The following STK32A variants were observed in gnomAD, a reference collection of about 807,000 sequenced individuals.
STK32A encodes the protein serine/threonine-protein kinase 32A.
Under a neutral mutation model 53.2 loss-of-function variants are expected in STK32A, and 41 were observed. That is an observed-to-expected ratio of 0.77 (90% CI 0.60 to 1.00). The LOEUF (loss-of-function observed/expected upper bound fraction) is 1.00, where lower values mean the gene tolerates loss of function less well. STK32A is among the 50% of genes least tolerant of loss of function. STK32A has a pLI of 0.00. For missense variants in STK32A, 458 were observed against 485.8 expected, an observed-to-expected ratio of 0.94 and a Z score of 0.54; for synonymous variants, 166 against 162.8, an observed-to-expected ratio of 1.02 and a Z score of -0.15.
At chr5:147,346,833 T>C (rs909922229) in intron 6 of STK32A, among the ~76,000 whole-genome samples, 1 of 152,202 alleles carries the variant, frequency 6.6e-6, no homozygotes, top group African/African-American at 2.4e-5. Context: ...AATTATGTCA[T>C]CATCTGTCAC....
At chr5:147,261,033 T>C (rs66508382) in intron 2 of STK32A, among the ~76,000 whole-genome samples, 35,441 of 152,062 alleles carry the variant, frequency 0.23, 4,630 homozygotes, top group Admixed American at 0.33. Flanking sequence ...CTGGCCACTT[T>C]CTTTTTTTCC....
intron 2 of STK32A, chr5:147,240,049 A>G (rs1753501055): frequency 5.2e-6 from 1 of 190,976 alleles, no homozygotes; most frequent in Non-Finnish European, 1.1e-5. Context: ...ATGTACATGA[A>G]TGATAACCAG....
intron 2 of STK32A, among the ~76,000 whole-genome samples, chr5:147,248,681 G>A (rs1191220324): frequency 8.5e-5 from 13 of 152,230 alleles, no homozygotes; most frequent in Non-Finnish European, 1.5e-5. Context: ...TCGGGATCCA[G>A]CAACAGGAAA....
chr5:147,313,182 C>T (rs1227401151), intron 4 of STK32A, among the ~76,000 whole-genome samples: 5 of 151,886 alleles, frequency 3.3e-5, no homozygotes, highest in African/African-American at 1.2e-4. Flanking sequence ...CTGCGGGGAA[C>T]TATGAATATG....
chr5:147,306,948 A>G (rs1446508570), intron 4 of STK32A, among the ~76,000 whole-genome samples: 3 of 152,174 alleles, frequency 2.0e-5, no homozygotes, highest in African/African-American at 4.8e-5. Flanking sequence ...ATCATTTTTA[A>G]TATTATGTAT....
At chr5:147,389,837 C>T (rs537912724), downstream of STK32A, among the ~76,000 whole-genome samples, 12 of 152,186 alleles carry the variant, frequency 7.9e-5, no homozygotes, top group South Asian at 2.3e-3. Flanking sequence ...TGCCACTGCA[C>T]TCCAGCCTGG....
At chr5:147,280,624 C>T (rs1234701933) in intron 4 of STK32A, among the ~76,000 whole-genome samples, 1 of 151,496 alleles carries the variant, frequency 6.6e-6, no homozygotes, top group East Asian at 1.9e-4. Flanking sequence ...CCCACAGCAG[C>T]AGCAGCAGCA....
At position 147,373,274 on chromosome 5, in the gene STK32A, A is replaced by G. The variant is rs114771040; in HGVS notation, c.883A>G (p.Ile295Val). 3.1e-6 allele frequency: 5 copies of G among 1,613,380 alleles called. No homozygotes were observed. The African/African-American group carries it at 6.7e-5, about 22-fold the overall frequency. Residue 295 changes from isoleucine (I) to valine (V), a missense_variant, in exon 10 of 13, where the codon ATT becomes GTT. Transcript: ENST00000397936. ...GGATGCAGTTTTTCAGAAGAGGCTCATTCCAGGTTTCATTCCTAATGTGAG... is the reference window on the plus strand; with the variant it reads ...GGATGCAGTTTTTCAGAAGAGGCTCGTTCCAGGTTTCATTCCTAATGTGAG... ...NWDAVFQKRL[I>V]PGFIPNKGRL...
At chr5:147,260,754 A>G (rs1343689508) in intron 2 of STK32A, among the ~76,000 whole-genome samples, 1 of 152,100 alleles carries the variant, frequency 6.6e-6, no homozygotes, top group Non-Finnish European at 1.5e-5. Context: ...TAGTGTTGGC[A>G]GGCCCATGGC....
intron 11 of STK32A, among the ~76,000 whole-genome samples, chr5:147,376,716 C>T (rs986935056): frequency 6.6e-6 from 1 of 152,142 alleles, no homozygotes; most frequent in African/African-American, 2.4e-5. Context: ...GGCCTTTGCC[C>T]TTGCTCTTCC....
Position 147,373,051 on chromosome 5 carries a change from G to A in STK32A, c.778-118G>A, listed in dbSNP as rs189656829. ...ACATTGTTTATGGGATTAGGGATAGGGGACACTGTCTATTTTCCTTCAGTC... is the reference window on the plus strand; with the variant it reads ...ACATTGTTTATGGGATTAGGGATAGAGGACACTGTCTATTTTCCTTCAGTC... On this transcript the variant is annotated intron_variant, in intron 9 of 12. Coordinates refer to ENST00000397936, the MANE Select transcript of STK32A (RefSeq NM_001112724.2). The A allele has an allele frequency of 3.2e-4, 392 of 1,222,450 alleles. 1 individual carries two copies. Among genetic ancestry groups the A allele is most frequent in the Non-Finnish European group, 4.2e-4 (367 of 865,338 alleles). The allele number at this position is 1,222,450 out of a possible 1,614,324, so 75.7% of individuals were successfully genotyped here.
chr5:147,306,465 T>C (rs17096644), intron 4 of STK32A, among the ~76,000 whole-genome samples: 51,323 of 151,544 alleles, frequency 0.34, 9,203 homozygotes, highest in Non-Finnish European at 0.36. Context: ...GAGAAAAAAG[T>C]GTTAACCTTT....
intron 4 of STK32A, among the ~76,000 whole-genome samples, chr5:147,283,484 G>C (rs1198263849): frequency 7.1e-6 from 1 of 141,732 alleles, no homozygotes; most frequent in Admixed American, 7.1e-5. Context: ...AAAAAAAAAA[G>C]AAAGATAAAT....
intron 2 of STK32A, among the ~76,000 whole-genome samples, chr5:147,247,996 C>CCG (rs1753827379): frequency 6.6e-6 from 1 of 151,880 alleles, no homozygotes; most frequent in Non-Finnish European, 1.5e-5. Flanking sequence ...TGGGGCCTAC[C>CCG]TGTAATCCCA....
chr5:147,320,761 G>A (rs1203937949), intron 4 of STK32A, among the ~76,000 whole-genome samples: 1 of 152,200 alleles, frequency 6.6e-6, no homozygotes, highest in Admixed American at 6.5e-5. Flanking sequence ...AGCATCATGA[G>A]TGCAGGCACA....
chr5:147,395,949 G>T, the STK32A span, among the ~76,000 whole-genome samples: 1 of 152,218 alleles, frequency 6.6e-6, no homozygotes, highest in South Asian at 2.1e-4. Context: ...GATGAGCTTC[G>T]ATCAGAAGGA....
At chr5:147,397,189 TACACAC>T in the STK32A span, among the ~76,000 whole-genome samples, 1 of 147,222 alleles carries the variant, frequency 6.8e-6, no homozygotes, top group African/African-American at 2.5e-5. Flanking sequence ...TATATATATA[TACACAC>T]ATATCTCTGT....
intron 11 of STK32A, among the ~76,000 whole-genome samples, chr5:147,381,257 A>G (rs922342466): frequency 6.6e-6 from 1 of 152,186 alleles, no homozygotes; most frequent in East Asian, 1.9e-4. Context: ...AGTTTCTGAT[A>G]AGAAATCTGC....
chr5:147,343,618 G>A (rs999160144), intron 6 of STK32A, among the ~76,000 whole-genome samples: 18 of 152,180 alleles, frequency 1.2e-4, no homozygotes, highest in Admixed American at 7.9e-4. Context: ...TGACTGTCAC[G>A]AAGAAATCAC....
Sources: gnomAD v4.1 joint callset for allele counts (sites outside exome capture counted in the v4.1 genomes callset) on GRCh38, gnomAD v4.1.1 for gene constraint, MANE v1.5 for transcripts, NCBI Gene and HGNC (gene_info 2026-07-23, HGNC 2026-07-21) for gene names.